The following SLC7A10 variants were observed in gnomAD, a reference collection of about 807,000 sequenced individuals.
The protein encoded by SLC7A10 is solute carrier family 7 member 10.
A neutral mutation model predicts 52.7 loss-of-function variants in SLC7A10; 30 were observed. The observed-to-expected ratio is 0.57, with a 90% CI of 0.43 to 0.77. The LOEUF (loss-of-function observed/expected upper bound fraction) is 0.77. SLC7A10 is among the 30% of genes least tolerant of loss of function. The pLI is 0.00. For synonymous variants in SLC7A10, 318 were observed against 314.9 expected (o/e 1.01, Z -0.10); for missense variants, 581 against 698.5 (o/e 0.83, Z 1.90).
intron 2 of SLC7A10, among the ~76,000 whole-genome samples, chr19:33,215,163 G>A (rs1391193238): frequency 6.6e-6 from 1 of 151,770 alleles, no homozygotes; most frequent in Non-Finnish European, 1.5e-5. Flanking sequence ...AGCTACTCGG[G>A]AGTCTGAGGC....
chr19:33,212,734 C>T (rs772427946), intron 3 of SLC7A10, 95 bp from the exon 4 acceptor site: 3 of 1,607,788 alleles, frequency 1.9e-6, no homozygotes, highest in African/African-American at 2.7e-5. Flanking sequence ...ATGGCATCCC[C>T]TATAGCAGCT....
intron 2 of SLC7A10, 67 bp from the exon 3 acceptor site, chr19:33,213,069 T>C (rs1824278769): frequency 1.3e-6 from 2 of 1,549,022 alleles, no homozygotes; most frequent in Non-Finnish European, 1.7e-6. Context: ...CTGGCCCTGA[T>C]GTGTGCAGCA....
rs574651988 is a variant in SLC7A10, at chr19:33,221,973, T to C, written c.151+3580A>G. Reference sequence around the variant, plus strand: ...GGGGAGGCAGACTTCCCTGGCCGTCTGTCTGTTTGTCCACCCATAGTGGAG... The same window carrying C: ...GGGGAGGCAGACTTCCCTGGCCGTCCGTCTGTTTGTCCACCCATAGTGGAG... On this transcript the variant is annotated intron_variant, in intron 1 of 10. Transcript: ENST00000253188. Among the ~76,000 whole-genome samples the C allele has an allele frequency of 7.2e-5, 11 of 152,280 alleles. No homozygotes were observed. In the East Asian group the frequency reaches 2.1e-3, roughly 29 times the overall value.
At chr19:33,223,972 A>G (rs1022947688) in intron 1 of SLC7A10, among the ~76,000 whole-genome samples, 47 of 143,970 alleles carry the variant, frequency 3.3e-4, no homozygotes, top group African/African-American at 1.2e-3. Context: ...CACCACCACC[A>G]CCACCACCAC....
At chr19:33,211,091 T>C (rs1568388249) in intron 7 of SLC7A10, 134 bp downstream of exon 7, 1 of 992,402 alleles carries the variant, frequency 1.0e-6, no homozygotes, top group Non-Finnish European at 1.6e-6. Flanking sequence ...CTTGTTACCG[T>C]GTGGGATCAT....
intron 10 of SLC7A10, 106 bp from the exon 11 acceptor site, chr19:33,209,127 C>A (rs1599943281): frequency 1.3e-6 from 2 of 1,570,276 alleles, no homozygotes; most frequent in East Asian, 2.3e-5. Flanking sequence ...GTTGCTCCGT[C>A]GGTACCCGTG....
chr19:33,215,506 C>T (rs1974652326), intron 2 of SLC7A10, among the ~76,000 whole-genome samples: 1 of 152,036 alleles, frequency 6.6e-6, no homozygotes, highest in South Asian at 2.1e-4. Context: ...CAGGGGCCTG[C>T]AGGAGTGCCC....
chr19:33,225,114 C>A (rs972461699), intron 1 of SLC7A10, among the ~76,000 whole-genome samples: 1 of 152,262 alleles, frequency 6.6e-6, no homozygotes, highest in Non-Finnish European at 1.5e-5. Flanking sequence ...CTGGACCCTG[C>A]ACACAGTAGG....
chr19:33,209,185 C>A, intron 10 of SLC7A10, 123 bp downstream of exon 10: 1 of 1,522,268 alleles, frequency 6.6e-7, no homozygotes, highest in Non-Finnish European at 9.0e-7. Flanking sequence ...TTGGTGGCGG[C>A]TGGGCCCTGT....
intron 1 of SLC7A10, among the ~76,000 whole-genome samples, chr19:33,222,134 C>T (rs1974822315): frequency 6.6e-6 from 1 of 152,132 alleles, no homozygotes; most frequent in South Asian, 2.1e-4. Flanking sequence ...CATGATGGCT[C>T]CCGCCTGTAA....
At position 33,209,462 on chromosome 19, in the gene SLC7A10, C is replaced by T. The variant is rs559438753; in HGVS notation, c.1287G>A (p.Ala429=). 8.1e-6 allele frequency: 13 copies of T among 1,613,918 alleles called. No individual in the cohort carries two copies. The highest frequency in any genetic ancestry group is 1.3e-5 in the African/African-American group (1 of 75,020). ...GCAGGAAGGCCCAGAAGACCAAGTA[C>T]GCCACGGGGATGAGAAGGTTCACCT... ...PIKVNLLIPV[A]YLVFWAFLLV... is the part of the protein sequence containing the mutation. The change falls in exon 10 of 11, where the codon GCG becomes GCA. Residue 429 remains alanine (A), a synonymous_variant. Coordinates refer to ENST00000253188, the MANE Select transcript of SLC7A10 (RefSeq NM_019849.3).
In SLC7A10 at chr19:33,210,926, G is replaced by A. The variant is rs776059028; in HGVS notation, c.1017-28C>T. On this transcript the variant is annotated intron_variant, in intron 7 of 10. Transcript: ENST00000253188. The surrounding 1 kb of genome is among the most constrained non-coding windows in gnomAD (Gnocchi z 5.6). ...AGCGTTGGGGACAGATATGGGCACT[G>A]GCCACATCCTGGGTCTCAGCTTTGG... The A allele has an allele frequency of 2.5e-6, 4 of 1,601,328 alleles. No homozygotes were observed. The African/African-American group carries it at 5.4e-5, about 21-fold the overall frequency.
At chr19:33,217,163 C>A (rs11666788) in intron 1 of SLC7A10, among the ~76,000 whole-genome samples, 8,662 of 151,904 alleles carry the variant, frequency 0.057, 317 homozygotes, top group Non-Finnish European at 0.088. Context: ...AGGTGAGTGC[C>A]ACCACACCCG....
intron 9 of SLC7A10, among the ~76,000 whole-genome samples, chr19:33,209,943 A>AT (rs11455629): frequency 0.58 from 82,775 of 141,972 alleles, 26,652 homozygotes; most frequent in Non-Finnish European, 0.73. Context: ...ATTTTCTTTA[A>AT]TTTTTTTTTT....
chr19:33,215,888 C>T lies in SLC7A10; in HGVS notation c.237G>A (p.Trp79Ter), dbSNP rs1340482187. The change falls in exon 2 of 11, where the codon TGG (tryptophan) becomes TGA (stop). Residue 79 changes from tryptophan to a stop codon, truncating the protein, a stop_gained. Coordinates refer to ENST00000253188, the MANE Select transcript of SLC7A10 (RefSeq NM_019849.3). LOFTEE classifies it high-confidence loss of function. ...SGSVGLALFVWVLGGGVTALG... is the reference protein window; with the variant it reads ...SGSVGLALFV ...GAGCCGTCACGCCCCCACCCAGGAC[C>T]CAGACGAACAGGGCCAGACCCACGG... The T allele has an allele frequency of 2.5e-6, 4 of 1,610,856 alleles. No individual in the cohort carries two copies. The highest frequency in any genetic ancestry group is 8.5e-7 in the Non-Finnish European group (1 of 1,178,920).
At position 33,211,227 on chromosome 19, in the gene SLC7A10, G is replaced by T. The variant is rs763031922; in HGVS notation, c.1014C>A (p.Ser338=). ...GGINGYLFTY[S]RLCFSGAREG... ...CCACGTCTCCCCAGTGCAGTCACCT[G>T]GAGTAGGTGAACAGGTAACCATTGA... Residue 338 remains serine, a splice_region_variant and synonymous_variant, in exon 7 of 11, where the codon TCC becomes TCA. Coordinates refer to ENST00000253188, the MANE Select transcript of SLC7A10 (RefSeq NM_019849.3). 4.3e-6 allele frequency: 7 copies of T among 1,612,224 alleles called. No homozygotes were observed. Among genetic ancestry groups the T allele is most frequent in the Non-Finnish European group, 5.9e-6 (7 of 1,178,452 alleles).
chr19:33,211,766 C>G (rs1312251938), intron 5 of SLC7A10: 2 of 678,362 alleles, frequency 2.9e-6, no homozygotes, highest in South Asian at 1.9e-5. Flanking sequence ...GGGGCCCCAT[C>G]ACATCCTGAG....
rs529933546 is a variant in SLC7A10, at chr19:33,210,044, G to A, written c.1263+423C>T. ...CAGCCTCAACCTCCCGGGCTCAAGC[G>A]ATCCTCCCATTTCAGCCTCTCAAGT... On this transcript the variant is annotated intron_variant, in intron 9 of 10. Coordinates refer to ENST00000253188, the MANE Select transcript of SLC7A10 (RefSeq NM_019849.3). This position sits in a 1 kb window ranked among gnomAD's most constrained non-coding sequence, Gnocchi z 5.6. Among the ~76,000 whole-genome samples the A allele has an allele frequency of 4.6e-5, 7 of 151,640 alleles. No homozygotes were observed. The highest frequency in any genetic ancestry group is 1.2e-4 in the African/African-American group (5 of 41,344).
At position 33,215,668 on chromosome 19, in the gene SLC7A10, C is replaced by T. The variant is rs549352035; in HGVS notation, c.356+101G>A. On this transcript the variant is annotated intron_variant, in intron 2 of 10. Transcript: ENST00000253188. ...TCTCTCCATCCACCCCCACGACCTC[C>T]CTAGGAAGCCGGAAGCAGGAGTGGA... 3.9e-4 allele frequency: 522 copies of T among 1,334,998 alleles called. 2 individuals carry two copies. The African/African-American group carries it at 6.9e-3, about 18-fold the overall frequency. The allele number at this position is 1,334,998 out of a possible 1,614,324, so 82.7% of individuals were successfully genotyped here. A position where few individuals can be genotyped will look rare whatever the true frequency, so the allele number is the denominator to read the frequency against.
Sources: gnomAD v4.1 joint callset for allele counts (sites outside exome capture counted in the v4.1 genomes callset) on GRCh38, gnomAD v4.1.1 for gene constraint, Gnocchi (gnomAD v3.1) non-coding constraint, MANE v1.5 for transcripts, NCBI Gene and HGNC (gene_info 2026-07-23, HGNC 2026-07-21) for gene names.